The following IQSEC1 variants were observed in gnomAD, a reference collection of about 807,000 sequenced individuals.
The protein encoded by IQSEC1 is IQ motif and Sec7 domain ArfGEF 1.
IQSEC1 carries 31 observed loss-of-function variants against 91.0 expected under a neutral mutation model. The observed-to-expected ratio is 0.34, with a 90% CI of 0.26 to 0.46. IQSEC1 has a LOEUF of 0.46. Among genes scored for constraint, IQSEC1 ranks in the 20% least tolerant of loss-of-function variants. IQSEC1 has a pLI of 1.00. For synonymous variants in IQSEC1, 699 were observed against 662.6 expected (o/e 1.05, Z -0.84); for missense variants, 1,388 against 1,575.6 (o/e 0.88, Z 2.02).
intron 1 of IQSEC1, among the ~76,000 whole-genome samples, chr3:12,993,943 C>A (rs1328686426): frequency 6.6e-6 from 1 of 151,730 alleles, no homozygotes; most frequent in Non-Finnish European, 1.5e-5. Context: ...CGTGTCGGTG[C>A]AACCGCGGCC....
chr3:13,175,878 G>T (rs1298039147), intron 1 of IQSEC1, among the ~76,000 whole-genome samples: 1 of 152,190 alleles, frequency 6.6e-6, no homozygotes, highest in Non-Finnish European at 1.5e-5. Flanking sequence ...CAGTCCCAAG[G>T]GCTCTGCCCC....
chr3:13,170,751 T>G (rs1693591179), intron 1 of IQSEC1, among the ~76,000 whole-genome samples: 3 of 152,310 alleles, frequency 2.0e-5, no homozygotes, highest in Non-Finnish European at 4.4e-5. Flanking sequence ...GGCAATGCAA[T>G]GGGTGCCAGA....
intron 1 of IQSEC1, among the ~76,000 whole-genome samples, chr3:13,251,148 C>A (rs939889107): frequency 6.6e-6 from 1 of 152,186 alleles, no homozygotes; most frequent in Non-Finnish European, 1.5e-5. Context: ...ACTGGCTGAG[C>A]CCTGGGCCAG....
intron 2 of IQSEC1, among the ~76,000 whole-genome samples, chr3:13,116,643 G>A (rs1341195100): frequency 6.6e-6 from 1 of 152,152 alleles, no homozygotes; most frequent in Non-Finnish European, 1.5e-5. Context: ...CCTCACGCCT[G>A]TAATCTCAGC....
In IQSEC1 at chr3:12,967,867, G is replaced by A. The variant is rs1004937402; in HGVS notation, c.24-26002C>T. Among the ~76,000 whole-genome samples, 10 of 149,036 alleles carry A rather than the reference G, an allele frequency of 6.7e-5. No individual in the cohort carries two copies. Among genetic ancestry groups the A allele is most frequent in the South Asian group, 6.5e-4 (3 of 4,636 alleles). ...GAGAGCACAGGAGGCGTGGCCACACGGCGCCGCGGAAGAAGCACAGGGGGC... is the reference window on the plus strand; with the variant it reads ...GAGAGCACAGGAGGCGTGGCCACACAGCGCCGCGGAAGAAGCACAGGGGGC... On this transcript the variant is annotated intron_variant, in intron 1 of 13. Coordinates refer to ENST00000613206, the MANE Select transcript of IQSEC1 (RefSeq NM_001134382.3). The surrounding 1 kb of genome is among the most constrained non-coding windows in gnomAD (Gnocchi z 5.9).
intron 1 of IQSEC1, among the ~76,000 whole-genome samples, chr3:12,957,112 C>T (rs1025512957): frequency 1.6e-4 from 24 of 152,260 alleles, no homozygotes; most frequent in South Asian, 6.2e-4. Flanking sequence ...GATCAGGAAA[C>T]GAGATACGTC....
chr3:13,261,402 C>T (rs752692944), intron 1 of IQSEC1, among the ~76,000 whole-genome samples: 1 of 152,222 alleles, frequency 6.6e-6, no homozygotes, highest in East Asian at 1.9e-4. Flanking sequence ...GCAGAGACCA[C>T]GCCATGCCCC....
intron 2 of IQSEC1, among the ~76,000 whole-genome samples, chr3:13,107,346 T>C (rs1032796932): frequency 6.6e-6 from 1 of 152,248 alleles, no homozygotes; most frequent in African/African-American, 2.4e-5. Context: ...GCAGCGGCCA[T>C]TGCCAACAGG....
chr3:12,942,264 C>T (rs942050485), intron 1 of IQSEC1, among the ~76,000 whole-genome samples: 6 of 152,162 alleles, frequency 3.9e-5, no homozygotes, highest in African/African-American at 1.4e-4. Context: ...CGAATTCTGT[C>T]GCCTTTTCTC....
chr3:13,031,050 T>C (rs1175990042), intron 1 of IQSEC1, among the ~76,000 whole-genome samples: 1 of 152,282 alleles, frequency 6.6e-6, no homozygotes, highest in Admixed American at 6.5e-5. Context: ...GATCATCTGC[T>C]GTAAGTAGAA....
At chr3:13,006,484 G>A (rs1437146921) in intron 1 of IQSEC1, among the ~76,000 whole-genome samples, 13 of 152,162 alleles carry the variant, frequency 8.5e-5, no homozygotes, top group East Asian at 1.9e-4. Context: ...CTGCCTGGCC[G>A]CCAGCCAGCA....
intron 2 of IQSEC1, among the ~76,000 whole-genome samples, chr3:13,126,033 TTTG>T (rs570554694): frequency 5.3e-5 from 8 of 152,272 alleles, no homozygotes; most frequent in East Asian, 1.9e-4. Flanking sequence ...TGAAGCTGGT[TTTG>T]TTGTTGTTGT....
chr3:13,217,787 A>C (rs2125070458), intron 1 of IQSEC1, among the ~76,000 whole-genome samples: 1 of 152,320 alleles, frequency 6.6e-6, no homozygotes, highest in Middle Eastern at 3.4e-3. Flanking sequence ...TCATTACTTG[A>C]AATAGAAAAG....
At chr3:13,171,581 A>G (rs1693615844) in intron 1 of IQSEC1, among the ~76,000 whole-genome samples, 1 of 152,168 alleles carries the variant, frequency 6.6e-6, no homozygotes. Flanking sequence ...TTATAAATTC[A>G]AAATAGGTAC....
At chr3:13,197,818 T>G (rs1398167437) in intron 1 of IQSEC1, among the ~76,000 whole-genome samples, 1 of 152,146 alleles carries the variant, frequency 6.6e-6, no homozygotes, top group African/African-American at 2.4e-5. Context: ...GAATTAGGCT[T>G]TAGTACAGGC....
intron 6 of IQSEC1, among the ~76,000 whole-genome samples, chr3:12,917,763 G>C (rs1350975020): frequency 6.6e-6 from 1 of 152,200 alleles, no homozygotes; most frequent in Admixed American, 6.5e-5. Context: ...ATATCAAGGA[G>C]CACAACTGCT....
intron 1 of IQSEC1, among the ~76,000 whole-genome samples, chr3:13,049,248 C>T (rs1241585828): frequency 6.6e-6 from 1 of 152,134 alleles, no homozygotes; most frequent in Non-Finnish European, 1.5e-5. Context: ...GAGATGATAC[C>T]GATACGATGC....
intron 1 of IQSEC1, among the ~76,000 whole-genome samples, chr3:13,031,313 C>T (rs1472353671): frequency 1.3e-5 from 2 of 152,230 alleles, no homozygotes; most frequent in African/African-American, 4.8e-5. Flanking sequence ...GGGACAGGTC[C>T]ACCCCAGCTG....
chr3:13,154,959 T>C (rs1026179935), intron 2 of IQSEC1, among the ~76,000 whole-genome samples: 1 of 151,992 alleles, frequency 6.6e-6, no homozygotes, highest in Admixed American at 6.6e-5. Context: ...AAACACAACA[T>C]AGCAAAGCTT....
Sources: gnomAD v4.1 joint callset for allele counts (sites outside exome capture counted in the v4.1 genomes callset) on GRCh38, gnomAD v4.1.1 for gene constraint, Gnocchi (gnomAD v3.1) non-coding constraint, MANE v1.5 for transcripts, NCBI Gene and HGNC (gene_info 2026-07-23, HGNC 2026-07-21) for gene names.